Variants in CNTN3 observed in about 807,000 individuals in gnomAD.
CNTN3 encodes the protein contactin 3.
Under a neutral mutation model 119.1 loss-of-function variants are expected in CNTN3, and 60 were observed. That is an observed-to-expected ratio of 0.50 (90% CI 0.41 to 0.62). The LOEUF (loss-of-function observed/expected upper bound fraction) is 0.62, where lower values mean the gene tolerates loss of function less well. CNTN3 is among the 20% of genes least tolerant of loss of function. The pLI, the probability that CNTN3 is intolerant of heterozygous loss-of-function variation, is 0.00. For synonymous variants in CNTN3, 450 were observed against 438.7 expected (o/e 1.03, Z -0.32); for missense variants, 1,101 against 1,242.4 (o/e 0.89, Z 1.71).
Position 74,362,010 on chromosome 3 carries a change from A to G in CNTN3, c.1244T>C (p.Met415Thr). Residue 415 changes from methionine to threonine, a missense_variant, in exon 11 of 23, where the codon ATG (methionine) becomes ACG (threonine). Physicochemically the swap from Met to Thr is moderately conservative, Grantham distance 81. Coordinates refer to ENST00000263665, the MANE Select transcript of CNTN3 (RefSeq NM_020872.3). Reference protein sequence around the residue: ...ASAPDFSKNPMKKLVQVQVGS... With the variant: ...ASAPDFSKNPTKKLVQVQVGS... Reference sequence around the variant, plus strand: ...CACCTGCACCTGAACCAACTTCTTCATTGGATTCTTTGAAAAATCTGGAGC... The same window carrying G: ...CACCTGCACCTGAACCAACTTCTTCGTTGGATTCTTTGAAAAATCTGGAGC... 1 of 1,613,646 alleles carries G rather than the reference A, an allele frequency of 6.2e-7. No individual in the cohort carries two copies. Among genetic ancestry groups the G allele is most frequent in the Non-Finnish European group, 8.5e-7 (1 of 1,179,642 alleles).
chr3:74,493,606 T>C (rs1559631148), intron 3 of CNTN3, among the ~76,000 whole-genome samples: 1 of 152,116 alleles, frequency 6.6e-6, no homozygotes, highest in Non-Finnish European at 1.5e-5. Context: ...AATACTTTAT[T>C]TGGGGTTTGA....
intron 4 of CNTN3, among the ~76,000 whole-genome samples, chr3:74,476,826 A>G (rs1702664355): frequency 6.6e-6 from 1 of 152,148 alleles, no homozygotes; most frequent in South Asian, 2.1e-4. Context: ...CAAGGTAGGC[A>G]GAGATGACGG....
At chr3:74,554,326 T>A (rs1019405946) in intron 1 of CNTN3, among the ~76,000 whole-genome samples, 1 of 152,190 alleles carries the variant, frequency 6.6e-6, no homozygotes, top group African/African-American at 2.4e-5. Context: ...TGTAGCTTTG[T>A]AGTAAAGTTT....
intron 13 of CNTN3, among the ~76,000 whole-genome samples, chr3:74,334,154 T>C (rs1189127317): frequency 6.6e-6 from 1 of 152,192 alleles, no homozygotes; most frequent in Non-Finnish European, 1.5e-5. Context: ...AATGGAAACA[T>C]TAGAAAGCAT....
intron 11 of CNTN3, among the ~76,000 whole-genome samples, chr3:74,343,336 G>T (rs1703596191): frequency 6.6e-6 from 1 of 152,118 alleles, no homozygotes; most frequent in African/African-American, 2.4e-5. Context: ...AGAAAGAAGG[G>T]GAAAAGTTGA....
intron 4 of CNTN3, among the ~76,000 whole-genome samples, chr3:74,470,866 G>GT (rs1420283582): frequency 2.0e-5 from 2 of 101,734 alleles, no homozygotes; most frequent in Admixed American, 9.4e-5. Context: ...AACATATTCG[G>GT]TTTTTTGTTG....
intron 20 of CNTN3, among the ~76,000 whole-genome samples, chr3:74,268,551 T>C (rs1174332125): frequency 6.6e-6 from 1 of 152,164 alleles, no homozygotes; most frequent in Non-Finnish European, 1.5e-5. Context: ...TCCCTGTGGA[T>C]TTCTTTTGCT....
chr3:74,488,720 G>C (rs904261512), intron 3 of CNTN3, among the ~76,000 whole-genome samples: 1 of 152,030 alleles, frequency 6.6e-6, no homozygotes, highest in Non-Finnish European at 1.5e-5. Context: ...GACCTCCTCA[G>C]GTCTTAAAGC....
chr3:74,526,384 T>C (rs1455891363), intron 1 of CNTN3, among the ~76,000 whole-genome samples: 1 of 151,644 alleles, frequency 6.6e-6, no homozygotes, highest in Non-Finnish European at 1.5e-5. Context: ...AACTAGTTAA[T>C]GAGTATACTG....
intron 3 of CNTN3, among the ~76,000 whole-genome samples, chr3:74,489,637 C>T (rs6785177): frequency 0.78 from 105,256 of 135,168 alleles, 41,919 homozygotes; most frequent in Middle Eastern, 0.9. Flanking sequence ...CCCACCCCTC[C>T]GCCTAATCCC....
intron 4 of CNTN3, among the ~76,000 whole-genome samples, chr3:74,464,528 C>T (rs1251307292): frequency 6.6e-6 from 1 of 152,108 alleles, no homozygotes; most frequent in African/African-American, 2.4e-5. Context: ...TAAAATCCAG[C>T]TGCCAAGCCC....
chr3:74,396,511 C>A (rs1201379482), intron 5 of CNTN3, among the ~76,000 whole-genome samples: 4 of 152,042 alleles, frequency 2.6e-5, no homozygotes, highest in Non-Finnish European at 4.4e-5. Flanking sequence ...CTTTGGGAGG[C>A]CGAGGCGGGT....
chr3:74,364,278 A>G (rs75451806), intron 10 of CNTN3, among the ~76,000 whole-genome samples, 189 bp downstream of exon 10: 3,436 of 152,194 alleles, frequency 0.023, 45 homozygotes, highest in African/African-American at 0.05. Context: ...AATTCTGGCC[A>G]TAATTGCTGT....
chr3:74,297,768 T>C (rs762698898), intron 18 of CNTN3, among the ~76,000 whole-genome samples, 189 bp downstream of exon 18: 1 of 152,224 alleles, frequency 6.6e-6, no homozygotes, highest in Non-Finnish European at 1.5e-5. Flanking sequence ...CCTCTAACTA[T>C]CCATTAAGTC....
chr3:74,449,991 G>C (rs374969824), intron 4 of CNTN3, among the ~76,000 whole-genome samples: 33 of 152,158 alleles, frequency 2.2e-4, no homozygotes, highest in African/African-American at 7.5e-4. Flanking sequence ...ATCATATGTA[G>C]TTACATAATC....
chr3:74,588,595 G>T (rs1390368586), intron 1 of CNTN3, among the ~76,000 whole-genome samples: 2 of 151,854 alleles, frequency 1.3e-5, no homozygotes, highest in Non-Finnish European at 1.5e-5. Flanking sequence ...CACAGAATTG[G>T]AAAAAACTAC....
chr3:74,492,761 ATGTGTGTG>A (rs906151104), intron 3 of CNTN3, among the ~76,000 whole-genome samples: 2 of 151,488 alleles, frequency 1.3e-5, no homozygotes, highest in African/African-American at 4.8e-5. Context: ...AAGAAAACGA[ATGTGTGTG>A]TGTGTGTATG....
At chr3:74,391,729 C>T (rs1255210594) in intron 5 of CNTN3, among the ~76,000 whole-genome samples, 10 of 151,914 alleles carry the variant, frequency 6.6e-5, no homozygotes, top group African/African-American at 2.4e-4. Flanking sequence ...ACCATCTTGG[C>T]TCACTATAAC....
rs553415098 is a variant in CNTN3 at position 74,540,824 on chromosome 3, A to C, written c.-80-19632T>G. Reference sequence around the variant, plus strand: ...AGCCAAGTGTTCCTATTTAATCAATACTAATAAGTAATCATTCATTCTAGT... The same window carrying C: ...AGCCAAGTGTTCCTATTTAATCAATCCTAATAAGTAATCATTCATTCTAGT... On this transcript the variant is annotated intron_variant, in intron 1 of 22. Coordinates refer to ENST00000263665, the MANE Select transcript of CNTN3 (RefSeq NM_020872.3). Among the ~76,000 whole-genome samples the C allele has an allele frequency of 2.6e-5, 4 of 152,276 alleles. No homozygotes were observed. The East Asian group carries it at 7.7e-4, about 29-fold the overall frequency.
Sources: gnomAD v4.1 joint callset for allele counts (sites outside exome capture counted in the v4.1 genomes callset) on GRCh38, gnomAD v4.1.1 for gene constraint, MANE v1.5 for transcripts, NCBI Gene and HGNC (gene_info 2026-07-23, HGNC 2026-07-21) for gene names.